Variants in BMPR1B observed in about 807,000 individuals in gnomAD.
BMPR1B encodes bone morphogenetic protein receptor type-1B.
In BMPR1B, 12 loss-of-function variants were observed where a neutral mutation model predicts 59.1. That is an observed-to-expected ratio of 0.20 (90% confidence interval 0.13 to 0.33). The LOEUF (loss-of-function observed/expected upper bound fraction) is 0.33. Ranked by LOEUF, BMPR1B falls within the 10% of genes least tolerant of loss-of-function variation. The probability of loss-of-function intolerance (pLI) is 1.00; values close to 1 mark genes in which losing one functional copy is unlikely to be tolerated. For missense variants in BMPR1B, 550 were observed against 610.9 expected, an observed-to-expected ratio of 0.90 and a Z score of 1.05; for synonymous variants, 237 against 207.3, an observed-to-expected ratio of 1.14 and a Z score of -1.23.
chr4:94,935,573 AAC>A (rs1391573452), intron 2 of BMPR1B, among the ~76,000 whole-genome samples: 1 of 152,218 alleles, frequency 6.6e-6, no homozygotes, highest in Admixed American at 6.5e-5. Flanking sequence ...AAAAAAATGA[AAC>A]AGAGTAAAAG....
chr4:95,131,465 T>C lies in BMPR1B; in HGVS notation c.1029T>C (p.Asn343=), dbSNP rs772142440. ...GTAAAAACATTCTGGTGAAGAAAAA[T>C]GGAACTTGCTGTATTGCTGACCTGG... is the stretch of plus-strand genomic sequence containing the variant. ...LKSKNILVKK[N]GTCCIADLGL... Residue 343 remains asparagine, a synonymous_variant, in exon 10 of 13, where the codon AAT becomes AAC. Coordinates refer to ENST00000515059, the MANE Select transcript of BMPR1B (RefSeq NM_001203.3). 1.2e-6 allele frequency: 2 copies of C among 1,613,914 alleles called. No individual in the cohort carries two copies. The highest frequency in any genetic ancestry group is 1.7e-6 in the Non-Finnish European group (2 of 1,179,948).
chr4:95,139,365 G>A (rs190636874), intron 10 of BMPR1B, among the ~76,000 whole-genome samples: 14 of 152,180 alleles, frequency 9.2e-5, no homozygotes, highest in African/African-American at 3.4e-4. Flanking sequence ...AGGAGTCAGG[G>A]ACCCACTGGA....
chr4:95,134,798 C>G (rs193064012), intron 10 of BMPR1B, among the ~76,000 whole-genome samples: 22 of 152,198 alleles, frequency 1.4e-4, no homozygotes, highest in African/African-American at 4.1e-4. Context: ...AAGATTTTCT[C>G]CCATTCTGTA....
intron 1 of BMPR1B, among the ~76,000 whole-genome samples, chr4:94,868,289 C>T (rs1396864264): frequency 6.6e-6 from 1 of 152,106 alleles, no homozygotes; most frequent in Non-Finnish European, 1.5e-5. Flanking sequence ...CTGCCTCAGC[C>T]TCCCAGGTAG....
chr4:95,047,046 TTTTTTAAAATAAAC>T (rs1486511503), intron 3 of BMPR1B, among the ~76,000 whole-genome samples: 6 of 152,020 alleles, frequency 3.9e-5, no homozygotes, highest in Non-Finnish European at 8.8e-5. Flanking sequence ...ATGAAACTCA[TTTTTTAAAATAAAC>T]TTTTTATTTT....
intron 6 of BMPR1B, among the ~76,000 whole-genome samples, chr4:95,117,221 A>G (rs1732134905): frequency 6.6e-6 from 1 of 152,224 alleles, no homozygotes. Context: ...CTTTAGCCAC[A>G]TAATCTGCTA....
chr4:94,976,120 C>G (rs1464410511), intron 2 of BMPR1B, among the ~76,000 whole-genome samples: 1 of 152,224 alleles, frequency 6.6e-6, no homozygotes, highest in African/African-American at 2.4e-5. Flanking sequence ...ACACTTCTCA[C>G]TTTTCATATA....
intron 3 of BMPR1B, among the ~76,000 whole-genome samples, chr4:95,096,290 A>T (rs1442780104): frequency 6.6e-6 from 1 of 151,772 alleles, no homozygotes; most frequent in Non-Finnish European, 1.5e-5. Context: ...AGCTAAAAAC[A>T]TGTATATAAC....
intron 2 of BMPR1B, among the ~76,000 whole-genome samples, chr4:94,962,042 A>ATTCT (rs35474278): frequency 0.094 from 14,052 of 149,132 alleles, 782 homozygotes; most frequent in South Asian, 0.12. Flanking sequence ...ACTAGATTTT[A>ATTCT]TTCTTTCTTT....
chr4:95,004,570 A>G (rs902078025), intron 3 of BMPR1B, among the ~76,000 whole-genome samples: 2 of 152,180 alleles, frequency 1.3e-5, no homozygotes, highest in African/African-American at 4.8e-5. Flanking sequence ...TGGTTGAAAC[A>G]TAATTCAGTT....
intron 10 of BMPR1B, among the ~76,000 whole-genome samples, chr4:95,146,028 C>A (rs1163860624): frequency 1.3e-5 from 2 of 152,194 alleles, no homozygotes. Flanking sequence ...GCAAGACACA[C>A]TGCGAATGGA....
At chr4:94,853,088 T>C (rs2148948734) in intron 1 of BMPR1B, among the ~76,000 whole-genome samples, 1 of 152,318 alleles carries the variant, frequency 6.6e-6, no homozygotes, top group Non-Finnish European at 1.5e-5. Context: ...CAAACCCAGA[T>C]TGGTATCACT....
At chr4:94,955,905 T>TA in intron 2 of BMPR1B, among the ~76,000 whole-genome samples, 1 of 152,048 alleles carries the variant, frequency 6.6e-6, no homozygotes, top group Admixed American at 6.5e-5. Flanking sequence ...CTGGGATTAC[T>TA]ACAGGCTTTA....
intron 3 of BMPR1B, among the ~76,000 whole-genome samples, chr4:95,043,551 T>G (rs1185522152): frequency 6.6e-6 from 1 of 152,218 alleles, no homozygotes; most frequent in East Asian, 1.9e-4. Context: ...ATTATTATAT[T>G]CATAACATGA....
intron 3 of BMPR1B, among the ~76,000 whole-genome samples, chr4:95,033,511 A>G (rs1229532940): frequency 6.6e-6 from 1 of 152,106 alleles, no homozygotes; most frequent in Non-Finnish European, 1.5e-5. Flanking sequence ...TTACAGGTGG[A>G]TATCCAGTTT....
chr4:94,847,594 T>C (rs1298646589), intron 1 of BMPR1B, among the ~76,000 whole-genome samples: 1 of 143,832 alleles, frequency 7.0e-6, no homozygotes, highest in East Asian at 2.0e-4. Flanking sequence ...CACAATGGAG[T>C]ACTATTCAGC....
intron 1 of BMPR1B, among the ~76,000 whole-genome samples, chr4:94,765,343 C>T (rs533215984): frequency 1.3e-5 from 2 of 152,214 alleles, no homozygotes; most frequent in African/African-American, 2.4e-5. Context: ...TTTAATCATG[C>T]ATCAGTAACC....
At chr4:95,112,057 C>A (rs1165173436) in intron 4 of BMPR1B, among the ~76,000 whole-genome samples, 1 of 152,048 alleles carries the variant, frequency 6.6e-6, no homozygotes, top group East Asian at 1.9e-4. Flanking sequence ...ATTTTGCTAT[C>A]ACTTTTCTTC....
chr4:95,125,389 A>C (rs1297213309), intron 8 of BMPR1B, among the ~76,000 whole-genome samples: 1 of 152,156 alleles, frequency 6.6e-6, no homozygotes, highest in Non-Finnish European at 1.5e-5. Flanking sequence ...TAAACACGGG[A>C]CCATCTTCCC....
Sources: allele counts gnomAD v4.1 joint callset (sites outside exome capture counted in the v4.1 genomes callset), GRCh38; gene constraint gnomAD v4.1.1; transcripts MANE v1.5; gene names NCBI Gene and HGNC (gene_info 2026-07-23, HGNC 2026-07-21).